The following PRKN variants were observed in gnomAD, a reference collection of about 807,000 sequenced individuals.
The protein encoded by PRKN is E3 ubiquitin-protein ligase parkin.
Under a neutral mutation model 59.5 loss-of-function variants are expected in PRKN, and 56 were observed. The observed-to-expected ratio is 0.94, with a 90% CI of 0.76 to 1.18. The LOEUF is 1.18. PRKN is among the 50% of genes most tolerant of loss of function. PRKN has a pLI of 0.00. For synonymous variants in PRKN, 250 were observed against 222.1 expected, an observed-to-expected ratio of 1.13 and a Z score of -1.12; for missense variants, 657 against 596.4, an observed-to-expected ratio of 1.10 and a Z score of -1.06.
chr6:161,835,401 C>T (rs2128219538), intron 6 of PRKN, among the ~76,000 whole-genome samples: 1 of 152,288 alleles, frequency 6.6e-6, no homozygotes, highest in East Asian at 1.9e-4. Flanking sequence ...CCCCACTCTT[C>T]CGTACCCTTG....
intron 5 of PRKN, among the ~76,000 whole-genome samples, chr6:161,987,210 G>A (rs1781467557): frequency 6.6e-6 from 1 of 152,064 alleles, no homozygotes; most frequent in African/African-American, 2.4e-5. Context: ...AATGTAATTT[G>A]TAAATTTACC....
At chr6:161,917,826 G>A (rs1018274391) in intron 6 of PRKN, among the ~76,000 whole-genome samples, 2 of 152,160 alleles carry the variant, frequency 1.3e-5, no homozygotes, top group African/African-American at 2.4e-5. Context: ...TCATTTCCAC[G>A]TTTGAACTGC....
chr6:161,455,239 A>G (rs1042007949), intron 9 of PRKN, among the ~76,000 whole-genome samples: 12 of 152,014 alleles, frequency 7.9e-5, no homozygotes, highest in Middle Eastern at 3.4e-3. Flanking sequence ...GAGTTTCACA[A>G]TCTTGGCCAG....
Position 161,414,798 on chromosome 6 carries a change from C to A in PRKN, c.1084-27921G>T, listed in dbSNP as rs915005415. Among the ~76,000 whole-genome samples the A allele has an allele frequency of 3.9e-5, 6 of 152,178 alleles. No homozygotes were observed. The highest frequency in any genetic ancestry group is 1.2e-4 in the African/African-American group (5 of 41,428). ...CGCAGGCAGGGCAGCCGCTGAACAG[C>A]ACCGGGAGGGTCTGTAGTTGCCAGA... On this transcript the variant is annotated intron_variant, in intron 9 of 11. Transcript: ENST00000366898. This position sits in a 1 kb window ranked among gnomAD's most constrained non-coding sequence, Gnocchi z 5.3.
chr6:162,408,028 C>T (rs1050495416), intron 2 of PRKN, among the ~76,000 whole-genome samples: 2 of 151,960 alleles, frequency 1.3e-5, no homozygotes, highest in Non-Finnish European at 2.9e-5. Context: ...AAATTAGCCA[C>T]TATGATATCT....
At chr6:161,643,108 T>C (rs1455831533) in intron 7 of PRKN, among the ~76,000 whole-genome samples, 1 of 152,224 alleles carries the variant, frequency 6.6e-6, no homozygotes, top group Non-Finnish European at 1.5e-5. Context: ...AGCTCAACAA[T>C]AGTTTTCTAA....
chr6:162,404,324 C>A (rs986777338), intron 2 of PRKN, among the ~76,000 whole-genome samples: 3 of 148,988 alleles, frequency 2.0e-5, no homozygotes, highest in Non-Finnish European at 4.4e-5. Context: ...GAGCCGAGAT[C>A]GCACGATTGC....
At chr6:162,182,310 CTT>C (rs1467581045) in intron 4 of PRKN, among the ~76,000 whole-genome samples, 2 of 152,094 alleles carry the variant, frequency 1.3e-5, no homozygotes, top group Admixed American at 6.6e-5. Context: ...TGGGTGTAAA[CTT>C]GAGGAGAAAT....
intron 5 of PRKN, among the ~76,000 whole-genome samples, chr6:162,048,704 C>T (rs10755584): frequency 0.89 from 133,599 of 150,204 alleles, 59,560 homozygotes; most frequent in African/African-American, 0.95. Flanking sequence ...ACACTAGCAC[C>T]AAAAATAGCT....
chr6:162,133,271 T>C (rs1027233172), intron 4 of PRKN, among the ~76,000 whole-genome samples: 2 of 152,142 alleles, frequency 1.3e-5, no homozygotes, highest in African/African-American at 4.8e-5. Context: ...GAGGGATCTG[T>C]GAAGTGATCG....
chr6:162,393,793 T>G (rs1787340582), intron 2 of PRKN, among the ~76,000 whole-genome samples: 1 of 152,192 alleles, frequency 6.6e-6, no homozygotes, highest in Non-Finnish European at 1.5e-5. Context: ...GGTTTTTTCT[T>G]CTGGGAGACA....
chr6:162,387,327 CTTAT>C (rs1786885473), intron 2 of PRKN, among the ~76,000 whole-genome samples: 1 of 150,772 alleles, frequency 6.6e-6, no homozygotes, highest in Non-Finnish European at 1.5e-5. Context: ...TCAACAAAAG[CTTAT>C]TTTTTTCCTT....
intron 2 of PRKN, among the ~76,000 whole-genome samples, chr6:162,378,109 G>A (rs1786222244): frequency 6.6e-6 from 1 of 152,154 alleles, no homozygotes. Flanking sequence ...GTTTACAAAT[G>A]TAAGGTAAGA....
intron 1 of PRKN, among the ~76,000 whole-genome samples, chr6:162,689,228 G>T (rs1167980603): frequency 6.6e-6 from 1 of 152,278 alleles, no homozygotes; most frequent in Admixed American, 6.5e-5. Context: ...CACAACAGGG[G>T]CATTACTCAG....
intron 2 of PRKN, among the ~76,000 whole-genome samples, chr6:162,390,396 T>TATATATATATATATACACAC (rs1180636201): frequency 9.3e-4 from 78 of 84,100 alleles, no homozygotes; most frequent in African/African-American, 2.3e-3. Context: ...TATATATATA[T>TATATATATATATATACACAC]ACACACACAC....
chr6:161,799,598 T>C (rs1562693258), intron 6 of PRKN, among the ~76,000 whole-genome samples: 1 of 152,230 alleles, frequency 6.6e-6, no homozygotes. Flanking sequence ...GATTCCCTTA[T>C]TGAACAAAAA....
chr6:162,518,476 G>A (rs984046210), intron 1 of PRKN, among the ~76,000 whole-genome samples: 13 of 152,020 alleles, frequency 8.6e-5, no homozygotes, highest in Non-Finnish European at 1.6e-4. Context: ...AGTGATTCTC[G>A]TGCCTCAGCC....
Position 161,423,306 on chromosome 6 carries a change from A to G in PRKN, c.1084-36429T>C, listed in dbSNP as rs1477623790. ...ATGCTCTCTCTGCTTTCTAATGTAC[A>G]TAGAGGTGTCTACATGCAAACGGAT... is the stretch of plus-strand genomic sequence containing the variant. On this transcript the variant is annotated intron_variant, in intron 9 of 11. Coordinates refer to ENST00000366898, the MANE Select transcript of PRKN (RefSeq NM_004562.3). This position sits in a 1 kb window ranked among gnomAD's most constrained non-coding sequence, Gnocchi z 5.9. 6.6e-6 allele frequency among the ~76,000 whole-genome samples: 1 copy of G among 152,164 alleles called. No homozygotes were observed. Among genetic ancestry groups the G allele is most frequent in the African/African-American group, 2.4e-5 (1 of 41,420 alleles).
chr6:162,245,066 C>T (rs1191816590), intron 3 of PRKN, among the ~76,000 whole-genome samples: 2 of 152,060 alleles, frequency 1.3e-5, no homozygotes, highest in African/African-American at 2.4e-5. Context: ...TTTACCAAAA[C>T]ATTTTACATA....
Sources: allele counts gnomAD v4.1 joint callset (sites outside exome capture counted in the v4.1 genomes callset), GRCh38; gene constraint gnomAD v4.1.1; non-coding constraint Gnocchi (gnomAD v3.1); transcripts MANE v1.5; gene names NCBI Gene and HGNC (gene_info 2026-07-23, HGNC 2026-07-21).